UBAC2: variants seen among roughly 807,000 people sequenced by gnomAD.
UBAC2 encodes the protein UBA domain containing 2.
UBAC2 carries 26 observed loss-of-function variants against 44.0 expected under a neutral mutation model. The ratio of observed to expected loss-of-function variants is 0.59; its 90% confidence interval spans 0.43 to 0.82. The LOEUF (loss-of-function observed/expected upper bound fraction) is 0.82. UBAC2 is among the 40% of genes least tolerant of loss of function. The pLI is 0.00. For synonymous variants in UBAC2, 155 were observed against 154.3 expected (o/e 1.00, Z -0.04); for missense variants, 329 against 419.4 (o/e 0.78, Z 1.88).
chr13:99,244,858 A>G (rs1033478832), intron 4 of UBAC2, among the ~76,000 whole-genome samples: 29 of 150,466 alleles, frequency 1.9e-4, no homozygotes, highest in African/African-American at 7.1e-4. Context: ...TTTGAGACGG[A>G]GTCTCGCTCT....
At chr13:99,207,343 G>C (rs555859851) in intron 1 of UBAC2, among the ~76,000 whole-genome samples, 1 of 152,222 alleles carries the variant, frequency 6.6e-6, no homozygotes, top group Non-Finnish European at 1.5e-5. Flanking sequence ...GGTTTAAGTA[G>C]TATTAACTGG....
At chr13:99,345,589 A>G (rs572821110) in intron 7 of UBAC2, among the ~76,000 whole-genome samples, 10 of 152,088 alleles carry the variant, frequency 6.6e-5, no homozygotes, top group African/African-American at 2.4e-4. Context: ...TCACCACTTT[A>G]TTGAGCTCAT....
chr13:99,368,728 C>CGTGTGTGTGTGTGT (rs1566525823), intron 8 of UBAC2, among the ~76,000 whole-genome samples: 9 of 91,128 alleles, frequency 9.9e-5, no homozygotes, highest in African/African-American at 2.1e-4. Context: ...TGTGTGTGTA[C>CGTGTGTGTGTGTGT]ACATACCCTC....
At chr13:99,204,069 T>C (rs1252264835) in intron 1 of UBAC2, among the ~76,000 whole-genome samples, 4 of 152,238 alleles carry the variant, frequency 2.6e-5, no homozygotes, top group African/African-American at 9.7e-5. Flanking sequence ...TATCATTCAC[T>C]GCATTTATTA....
chr13:99,292,116 G>A (rs1019252803), intron 4 of UBAC2, among the ~76,000 whole-genome samples: 1 of 151,828 alleles, frequency 6.6e-6, no homozygotes, highest in East Asian at 1.9e-4. Context: ...TACAGAATTG[G>A]GGTTACATTC....
At chr13:99,262,839 C>T (rs1039618041) in intron 4 of UBAC2, among the ~76,000 whole-genome samples, 1 of 151,118 alleles carries the variant, frequency 6.6e-6, no homozygotes, top group Admixed American at 6.6e-5. Context: ...AGTACACAGC[C>T]ATTTGTATAG....
intron 7 of UBAC2, among the ~76,000 whole-genome samples, chr13:99,342,897 T>C (rs1027739231): frequency 2.0e-5 from 3 of 152,224 alleles, no homozygotes; most frequent in Admixed American, 6.5e-5. Flanking sequence ...CCCTGATCGC[T>C]GTCTTTCAAG....
intron 1 of UBAC2, among the ~76,000 whole-genome samples, chr13:99,236,780 G>T (rs1276575054): frequency 2.0e-5 from 3 of 152,080 alleles, no homozygotes; most frequent in African/African-American, 4.8e-5. Flanking sequence ...AATCCGGGGG[G>T]CAGAGGTTGC....
intron 1 of UBAC2, among the ~76,000 whole-genome samples, chr13:99,228,535 C>T (rs538825428): frequency 3.4e-4 from 52 of 152,282 alleles, no homozygotes; most frequent in Middle Eastern, 3.4e-3. Context: ...CTCAAGCGAT[C>T]TGCCCGACTT....
chr13:99,319,873 G>A (rs1205829042), intron 6 of UBAC2, among the ~76,000 whole-genome samples: 1 of 152,212 alleles, frequency 6.6e-6, no homozygotes, highest in African/African-American at 2.4e-5. Context: ...CAAAGAAGGA[G>A]CTCATTGCTT....
intron 4 of UBAC2, chr13:99,255,664 A>G: frequency 6.2e-7 from 1 of 1,614,130 alleles, no homozygotes; most frequent in Non-Finnish European, 8.5e-7. Context: ...CATTATAAAT[A>G]TCAAGTCCAC....
chr13:99,202,259 T>A (rs1040072809), intron 1 of UBAC2, among the ~76,000 whole-genome samples: 2 of 152,208 alleles, frequency 1.3e-5, no homozygotes, highest in African/African-American at 4.8e-5. Flanking sequence ...TGTTTCATAA[T>A]TAATTTGATT....
chr13:99,336,759 T>G (rs1439900454), intron 6 of UBAC2, among the ~76,000 whole-genome samples: 1 of 152,236 alleles, frequency 6.6e-6, no homozygotes, highest in Non-Finnish European at 1.5e-5. Context: ...TCTGGGTTTT[T>G]TATTTCTTTG....
chr13:99,322,649 A>T (rs1487491749), intron 6 of UBAC2, among the ~76,000 whole-genome samples: 1 of 152,178 alleles, frequency 6.6e-6, no homozygotes, highest in African/African-American at 2.4e-5. Flanking sequence ...GACTTTGATT[A>T]TCTCTGATCC....
chr13:99,285,828 C>T (rs963379792), intron 4 of UBAC2, among the ~76,000 whole-genome samples: 9 of 152,132 alleles, frequency 5.9e-5, no homozygotes, highest in Non-Finnish European at 1.0e-4. Context: ...TTCAGAAAAA[C>T]GTGTGGCTCT....
intron 8 of UBAC2, among the ~76,000 whole-genome samples, chr13:99,378,583 A>G (rs1231335034): frequency 6.6e-6 from 1 of 152,074 alleles, no homozygotes; most frequent in East Asian, 1.9e-4. Context: ...TTACTGACAG[A>G]CTCGAAGGTA....
intron 4 of UBAC2, among the ~76,000 whole-genome samples, chr13:99,300,075 C>T (rs1057126317): frequency 3.9e-5 from 6 of 152,216 alleles, no homozygotes; most frequent in Non-Finnish European, 7.3e-5. Flanking sequence ...ATGGCACATG[C>T]GCAACATTGC....
At chr13:99,235,127 G>C (rs1314001138) in intron 1 of UBAC2, among the ~76,000 whole-genome samples, 1 of 152,134 alleles carries the variant, frequency 6.6e-6, no homozygotes, top group Non-Finnish European at 1.5e-5. Context: ...TTGTACTCAT[G>C]GTGGAAAATC....
chr13:99,262,710 C>CAAAA lies in UBAC2; in HGVS notation c.389+18113_389+18116dup, dbSNP rs61627160. ...TGGGCAACAGAGCAGAACTCCCTCT[C>CAAAA]AAAAAAAAAAAAAAAAAAAAAAAAA... is the stretch of plus-strand genomic sequence containing the variant. On this transcript the variant is annotated intron_variant, in intron 4 of 8. Coordinates refer to ENST00000403766, the MANE Select transcript of UBAC2 (RefSeq NM_001144072.2). 4.5e-4 allele frequency among the ~76,000 whole-genome samples: 26 copies of CAAAA among 57,164 alleles called. 2 individuals are homozygous for CAAAA. The highest frequency in any genetic ancestry group is 5.4e-4 in the Non-Finnish European group (17 of 31,754). 37.5% of individuals were successfully genotyped at this position (57,164 alleles called of 152,430 possible). A position where few individuals can be genotyped will look rare whatever the true frequency, so the allele number is the denominator to read the frequency against.
Sources: gnomAD v4.1 joint callset for allele counts (sites outside exome capture counted in the v4.1 genomes callset) on GRCh38, gnomAD v4.1.1 for gene constraint, MANE v1.5 for transcripts, NCBI Gene and HGNC (gene_info 2026-07-23, HGNC 2026-07-21) for gene names.